The following GRM7 variants were observed in gnomAD, a reference collection of about 807,000 sequenced individuals.
GRM7 encodes glutamate metabotropic receptor 7, also known as metabotropic glutamate receptor 7.
Under a neutral mutation model 84.5 loss-of-function variants are expected in GRM7, and 35 were observed. The observed-to-expected ratio is 0.41, with a 90% CI of 0.32 to 0.55. The LOEUF (loss-of-function observed/expected upper bound fraction) is 0.55. Among genes scored for constraint, GRM7 ranks in the 20% least tolerant of loss-of-function variants. The probability of loss-of-function intolerance (pLI) is 0.19; values close to 1 mark genes in which losing one functional copy is unlikely to be tolerated. For synonymous variants in GRM7, 487 were observed against 455.1 expected (o/e 1.07, Z -0.89); for missense variants, 1,003 against 1,194.6 (o/e 0.84, Z 2.36).
rs561262597 is a variant in GRM7 at position 7,225,065 on chromosome 3, C to T, written c.737-73619C>T. Among the ~76,000 whole-genome samples the T allele has an allele frequency of 4.6e-5, 7 of 152,110 alleles. No individual in the cohort carries two copies. In the South Asian group the frequency reaches 1.5e-3, roughly 32 times the overall value. On this transcript the variant is annotated intron_variant, in intron 2 of 9. Coordinates refer to ENST00000357716, the MANE Select transcript of GRM7 (RefSeq NM_000844.4). ...TGTGCAGCATAATATACTAAACTACCTCCTTGCTGACTCCATTTTGATTGT... is the reference window on the plus strand; with the variant it reads ...TGTGCAGCATAATATACTAAACTACTTCCTTGCTGACTCCATTTTGATTGT...
intron 4 of GRM7, among the ~76,000 whole-genome samples, chr3:7,331,560 C>G (rs2125066482): frequency 6.6e-6 from 1 of 152,310 alleles, no homozygotes; most frequent in African/African-American, 2.4e-5. Context: ...TAGCTAATCT[C>G]TGTGAGATAG....
chr3:7,086,907 G>A (rs535107877), intron 1 of GRM7, among the ~76,000 whole-genome samples: 6 of 152,292 alleles, frequency 3.9e-5, no homozygotes, highest in Non-Finnish European at 7.3e-5. Context: ...AGAAGCCAAT[G>A]CTGTTGTTTC....
chr3:7,252,335 C>T (rs912797578), intron 2 of GRM7, among the ~76,000 whole-genome samples: 2 of 152,178 alleles, frequency 1.3e-5, no homozygotes, highest in Non-Finnish European at 2.9e-5. Flanking sequence ...CCCTCAAGTC[C>T]TTCCAGATGC....
At chr3:7,166,265 A>G (rs1057275868) in intron 2 of GRM7, among the ~76,000 whole-genome samples, 15 of 152,280 alleles carry the variant, frequency 9.9e-5, no homozygotes, top group African/African-American at 2.9e-4. Flanking sequence ...AGTGGCGTCT[A>G]TGAATTCTTT....
intron 5 of GRM7, among the ~76,000 whole-genome samples, chr3:7,421,916 T>TAAAAAAAAA (rs773501237): frequency 2.3e-4 from 18 of 78,708 alleles, no homozygotes; most frequent in Non-Finnish European, 3.2e-4. Context: ...CTACAAACAG[T>TAAAAAAAAA]AAAAAAAAAA....
intron 8 of GRM7, among the ~76,000 whole-genome samples, chr3:7,583,856 T>A (rs553179552): frequency 6.6e-6 from 1 of 152,322 alleles, no homozygotes; most frequent in South Asian, 2.1e-4. Flanking sequence ...GCGTGTACTG[T>A]GCCCTTGGTA....
chr3:7,474,953 G>A (rs1698862237), intron 7 of GRM7, among the ~76,000 whole-genome samples: 2 of 152,258 alleles, frequency 1.3e-5, no homozygotes, highest in East Asian at 1.9e-4. Flanking sequence ...GTGGTGACTG[G>A]TCTTGTATAT....
chr3:6,867,614 C>G (rs903834330), intron 1 of GRM7, among the ~76,000 whole-genome samples: 2 of 152,188 alleles, frequency 1.3e-5, no homozygotes, highest in African/African-American at 2.4e-5. Context: ...AAGCCTAACT[C>G]TGCTTCTTGT....
At chr3:7,452,443 G>T (rs2124891656) in intron 5 of GRM7, among the ~76,000 whole-genome samples, 164 bp from the exon 6 acceptor site, 1 of 152,208 alleles carries the variant, frequency 6.6e-6, no homozygotes, top group South Asian at 2.1e-4. Flanking sequence ...GATACCAACT[G>T]GCTATCACGT....
At chr3:7,025,652 G>A (rs1319562584) in intron 1 of GRM7, among the ~76,000 whole-genome samples, 1 of 152,108 alleles carries the variant, frequency 6.6e-6, no homozygotes, top group Admixed American at 6.5e-5. Context: ...TATCTTTCTT[G>A]TGTCTTCCCT....
At chr3:6,952,019 T>A (rs1394405447) in intron 1 of GRM7, among the ~76,000 whole-genome samples, 2 of 152,212 alleles carry the variant, frequency 1.3e-5, no homozygotes, top group East Asian at 3.9e-4. Context: ...TTACCTTTTT[T>A]TTTAACTGGT....
At chr3:7,187,911 A>T (rs190020866) in intron 2 of GRM7, among the ~76,000 whole-genome samples, 2 of 152,104 alleles carry the variant, frequency 1.3e-5, no homozygotes, top group Admixed American at 1.3e-4. Context: ...AGTGAGTCCC[A>T]CCTCCTACCT....
chr3:7,366,883 A>G (rs1693915292), intron 4 of GRM7, among the ~76,000 whole-genome samples: 1 of 24 alleles, frequency 0.042, no homozygotes, highest in South Asian at 0.5. Flanking sequence ...AAGTTTTAAT[A>G]GGAACTGGTA....
chr3:7,216,117 C>A (rs1156505911), intron 2 of GRM7, among the ~76,000 whole-genome samples: 1 of 151,838 alleles, frequency 6.6e-6, no homozygotes, highest in Non-Finnish European at 1.5e-5. Context: ...TTTTTATTTC[C>A]AAAAGCTTTT....
chr3:6,962,488 T>A (rs185701056), intron 1 of GRM7, among the ~76,000 whole-genome samples: 26 of 152,266 alleles, frequency 1.7e-4, no homozygotes, highest in Admixed American at 1.6e-3. Flanking sequence ...TCACTAGCAC[T>A]ACAAAGATAA....
chr3:7,301,433 C>A (rs951876359), intron 3 of GRM7, among the ~76,000 whole-genome samples: 3 of 151,982 alleles, frequency 2.0e-5, no homozygotes, highest in African/African-American at 7.2e-5. Context: ...CTTATAAGTC[C>A]TTTTAACACC....
At chr3:7,495,137 C>A (rs949165996) in intron 7 of GRM7, among the ~76,000 whole-genome samples, 2 of 152,120 alleles carry the variant, frequency 1.3e-5, no homozygotes, top group African/African-American at 2.4e-5. Context: ...CTGTGGACTG[C>A]CATTCCAATG....
intron 7 of GRM7, among the ~76,000 whole-genome samples, chr3:7,481,103 G>A (rs921094820): frequency 1.3e-5 from 2 of 151,086 alleles, no homozygotes; most frequent in Admixed American, 6.6e-5. Context: ...TTTTGAGACA[G>A]GATCTTGCTC....
At chr3:7,516,452 G>C (rs1405880848) in intron 7 of GRM7, among the ~76,000 whole-genome samples, 4 of 131,548 alleles carry the variant, frequency 3.0e-5, no homozygotes, top group Non-Finnish European at 6.2e-5. Context: ...ACTCCAGCCT[G>C]GGCGGCAGAG....
Sources: gnomAD v4.1 joint callset for allele counts (sites outside exome capture counted in the v4.1 genomes callset) on GRCh38, gnomAD v4.1.1 for gene constraint, MANE v1.5 for transcripts, NCBI Gene and HGNC (gene_info 2026-07-23, HGNC 2026-07-21) for gene names.